Variants in FSHR observed in about 807,000 individuals in gnomAD.
FSHR encodes follicle-stimulating hormone receptor.
In FSHR, 46 loss-of-function variants were observed where a neutral mutation model predicts 52.1. The ratio of observed to expected loss-of-function variants is 0.88; its 90% CI spans 0.70 to 1.13. The LOEUF is 1.13. Among genes scored for constraint, FSHR ranks in the 50% most tolerant of loss-of-function variants. The pLI, the probability that FSHR is intolerant of heterozygous loss-of-function variation, is 0.00. For missense variants in FSHR, 964 were observed against 834.6 expected, an observed-to-expected ratio of 1.16 and a Z score of -1.91; for synonymous variants, 399 against 309.6, an observed-to-expected ratio of 1.29 and a Z score of -3.03.
At chr2:49,028,875 G>A (rs1368180305) in intron 2 of FSHR, among the ~76,000 whole-genome samples, 1 of 152,190 alleles carries the variant, frequency 6.6e-6, no homozygotes, top group African/African-American at 2.4e-5. Context: ...CACTCGATGA[G>A]AAAGAAAGAA....
intron 1 of FSHR, among the ~76,000 whole-genome samples, chr2:49,119,191 G>T (rs1202161005): frequency 1.3e-5 from 2 of 152,196 alleles, no homozygotes; most frequent in African/African-American, 2.4e-5. Flanking sequence ...ATTGGGGAAT[G>T]TGATAGTGGG....
chr2:49,037,450 C>T (rs763574993), intron 2 of FSHR, among the ~76,000 whole-genome samples: 1 of 152,100 alleles, frequency 6.6e-6, no homozygotes, highest in African/African-American at 2.4e-5. Context: ...AAAGGAAACA[C>T]CATATTAGAG....
intron 4 of FSHR, among the ~76,000 whole-genome samples, chr2:49,000,767 T>G (rs76713320): frequency 0.021 from 3,172 of 152,176 alleles, 119 homozygotes; most frequent in African/African-American, 0.073. Flanking sequence ...AAAGACCATG[T>G]GGAAAGTTTC....
intron 1 of FSHR, among the ~76,000 whole-genome samples, chr2:49,070,097 G>A (rs557419151): frequency 3.9e-5 from 6 of 152,250 alleles, no homozygotes; most frequent in African/African-American, 7.2e-5. Context: ...TTATATACTT[G>A]CTGGGAAGGC....
chr2:49,064,091 C>T (rs373169748), intron 2 of FSHR, among the ~76,000 whole-genome samples: 1 of 128,076 alleles, frequency 7.8e-6, no homozygotes, highest in Non-Finnish European at 1.7e-5. Context: ...TGTGTGTTTG[C>T]ACATGCATGG....
At chr2:49,037,000 T>G (rs1369369053) in intron 2 of FSHR, among the ~76,000 whole-genome samples, 1 of 152,244 alleles carries the variant, frequency 6.6e-6, no homozygotes, top group Non-Finnish European at 1.5e-5. Flanking sequence ...GCATAATGGC[T>G]GGGTCTTGGA....
At chr2:49,016,208 C>T (rs547569647) in intron 4 of FSHR, among the ~76,000 whole-genome samples, 4 of 152,160 alleles carry the variant, frequency 2.6e-5, no homozygotes, top group East Asian at 1.9e-4. Flanking sequence ...CTATCAGAGG[C>T]GTAGTACAAA....
intron 4 of FSHR, among the ~76,000 whole-genome samples, chr2:48,996,924 A>AT (rs1362572926): frequency 6.6e-6 from 1 of 152,168 alleles, no homozygotes; most frequent in Non-Finnish European, 1.5e-5. Flanking sequence ...GCTTGCTAAT[A>AT]TTGATATTTC....
chr2:48,994,154 A>C (rs2104115693), intron 4 of FSHR, among the ~76,000 whole-genome samples: 1 of 152,272 alleles, frequency 6.6e-6, no homozygotes, highest in South Asian at 2.1e-4. Flanking sequence ...ATGTTTTGTC[A>C]AGAGATGAAC....
Position 49,067,058 on chromosome 2 carries a change from G to A in FSHR, c.224+1161C>T, listed in dbSNP as rs368681409. 8.6e-5 allele frequency among the ~76,000 whole-genome samples: 13 copies of A among 152,034 alleles called. No individual in the cohort carries two copies. The East Asian group carries it at 1.4e-3, about 16-fold the overall frequency. ...CCCGGAAGATTACAGGTCTTAAATCGGGCTCTCCTGCAACATGGAGATAGA... is the reference window on the plus strand; with the variant it reads ...CCCGGAAGATTACAGGTCTTAAATCAGGCTCTCCTGCAACATGGAGATAGA... On this transcript the variant is annotated intron_variant, in intron 2 of 9. Coordinates refer to ENST00000406846, the MANE Select transcript of FSHR (RefSeq NM_000145.4).
At chr2:49,056,531 C>A (rs1452076324) in intron 2 of FSHR, among the ~76,000 whole-genome samples, 4 of 147,458 alleles carry the variant, frequency 2.7e-5, no homozygotes, top group Non-Finnish European at 6.0e-5. Flanking sequence ...TATTATTAGA[C>A]CTAAAGGGAG....
chr2:49,058,358 C>T (rs1669145407), intron 2 of FSHR, among the ~76,000 whole-genome samples: 1 of 151,816 alleles, frequency 6.6e-6, no homozygotes, highest in Admixed American at 6.6e-5. Context: ...AACATCCTGG[C>T]CAACATGGTG....
At chr2:49,143,773 C>T (rs1324818815) in intron 1 of FSHR, among the ~76,000 whole-genome samples, 1 of 152,052 alleles carries the variant, frequency 6.6e-6, no homozygotes, top group Non-Finnish European at 1.5e-5. Context: ...CTCTACTTTG[C>T]AAGCACATTA....
intron 4 of FSHR, among the ~76,000 whole-genome samples, chr2:49,004,653 T>C (rs1234576197): frequency 6.6e-6 from 1 of 152,146 alleles, no homozygotes. Flanking sequence ...ATGAAGAAAC[T>C]GAGACCTGAA....
intron 5 of FSHR, among the ~76,000 whole-genome samples, chr2:48,990,263 T>C (rs1675707593): frequency 6.6e-6 from 1 of 151,774 alleles, no homozygotes; most frequent in South Asian, 2.1e-4. Context: ...GTGTTGTTTA[T>C]GTGTGTGGGG....
chr2:49,128,703 A>G (rs1202809003), intron 1 of FSHR, among the ~76,000 whole-genome samples: 1 of 151,932 alleles, frequency 6.6e-6, no homozygotes, highest in Non-Finnish European at 1.5e-5. Flanking sequence ...ATAAAAATGA[A>G]GTTCAATATG....
At chr2:48,985,809 G>A (rs1305605980) in intron 6 of FSHR, among the ~76,000 whole-genome samples, 1 of 133,248 alleles carries the variant, frequency 7.5e-6, no homozygotes, top group African/African-American at 2.7e-5. Context: ...CGCTTCCCGG[G>A]TTCACGCCAT....
At chr2:49,043,631 T>A (rs1558407625) in intron 2 of FSHR, among the ~76,000 whole-genome samples, 1 of 152,214 alleles carries the variant, frequency 6.6e-6, no homozygotes, top group Non-Finnish European at 1.5e-5. Context: ...CCTAGCATCT[T>A]GCCTAGAGAA....
chr2:49,141,718 A>T (rs1198615969), intron 1 of FSHR, among the ~76,000 whole-genome samples: 3 of 152,168 alleles, frequency 2.0e-5, no homozygotes, highest in African/African-American at 7.2e-5. Context: ...AAAATAATAC[A>T]TAAGTTCTGT....
Sources: gnomAD v4.1 joint callset for allele counts (sites outside exome capture counted in the v4.1 genomes callset) on GRCh38, gnomAD v4.1.1 for gene constraint, MANE v1.5 for transcripts, NCBI Gene and HGNC (gene_info 2026-07-23, HGNC 2026-07-21) for gene names.